The following ELFN2 variants were observed in gnomAD, a reference collection of about 807,000 sequenced individuals.
ELFN2 encodes the protein extracellular leucine rich repeat and fibronectin type III domain containing 2, also known as protein phosphatase 1 regulatory subunit 29.
ELFN2 carries 17 observed loss-of-function variants against 45.5 expected under a neutral mutation model. That is an observed-to-expected ratio of 0.37 (90% CI 0.26 to 0.56). The LOEUF (loss-of-function observed/expected upper bound fraction) is 0.56, where lower values mean the gene tolerates loss of function less well. Ranked by LOEUF, ELFN2 falls within the 20% of genes least tolerant of loss-of-function variation. The probability of loss-of-function intolerance (pLI) is 0.77; values close to 1 mark genes in which losing one functional copy is unlikely to be tolerated. For synonymous variants in ELFN2, 550 were observed against 551.5 expected (o/e 1.00, Z 0.04); for missense variants, 922 against 1,183.2 (o/e 0.78, Z 3.24).
At chr22:37,366,807 G>A (rs1931216581), downstream of ELFN2, among the ~76,000 whole-genome samples, 1 of 152,264 alleles carries the variant, frequency 6.6e-6, no homozygotes, top group Non-Finnish European at 1.5e-5. Flanking sequence ...GCTGGCTGTG[G>A]CCCCCTTGGG....
At chr22:37,380,173 C>G (rs372399438) in intron 2 of ELFN2, among the ~76,000 whole-genome samples, 1 of 152,180 alleles carries the variant, frequency 6.6e-6, no homozygotes, top group Non-Finnish European at 1.5e-5. Flanking sequence ...CACTGCACTG[C>G]GGCGTGTGGG....
downstream of ELFN2, among the ~76,000 whole-genome samples, chr22:37,366,788 G>C (rs374418068): frequency 6.6e-6 from 1 of 152,252 alleles, no homozygotes; most frequent in East Asian, 1.9e-4. Flanking sequence ...GAGCAAAGGA[G>C]GGACCCTGGC....
chr22:37,424,666 G>A (rs776572995), intron 1 of ELFN2, among the ~76,000 whole-genome samples: 2 of 142,770 alleles, frequency 1.4e-5, no homozygotes, highest in Non-Finnish European at 3.1e-5. Flanking sequence ...TCTCCCTGTA[G>A]CCACTGAGGG....
chr22:37,377,925 GT>G (rs1171001308), intron 2 of ELFN2, among the ~76,000 whole-genome samples: 1 of 152,214 alleles, frequency 6.6e-6, no homozygotes, highest in Non-Finnish European at 1.5e-5. Context: ...CTGAGCCTCA[GT>G]TTCCCCTCCC....
intron 2 of ELFN2, among the ~76,000 whole-genome samples, chr22:37,392,289 G>GT (rs1932103322): frequency 6.8e-6 from 1 of 146,970 alleles, no homozygotes; most frequent in Admixed American, 6.8e-5. Flanking sequence ...TTTTTGTTGT[G>GT]TTTTTTGTTT....
chr22:37,362,926 C>T (rs1418093841), intron 1 of ELFN2, among the ~76,000 whole-genome samples: 1 of 152,160 alleles, frequency 6.6e-6, no homozygotes. Flanking sequence ...CTACCGCCAT[C>T]GTCCCTGCCC....
At chr22:37,391,526 G>A (rs1932087328) in intron 2 of ELFN2, among the ~76,000 whole-genome samples, 2 of 152,146 alleles carry the variant, frequency 1.3e-5, no homozygotes, top group Non-Finnish European at 2.9e-5. Context: ...ATGCCTGCTT[G>A]AAGGATGAGG....
At chr22:37,377,592 T>C (rs1931616117) in intron 2 of ELFN2, among the ~76,000 whole-genome samples, 1 of 152,182 alleles carries the variant, frequency 6.6e-6, no homozygotes, top group Non-Finnish European at 1.5e-5. Flanking sequence ...CGGGGGTTAA[T>C]CCCACAAGAA....
At chr22:37,362,498 G>T (rs568547123) in intron 1 of ELFN2, among the ~76,000 whole-genome samples, 3 of 152,192 alleles carry the variant, frequency 2.0e-5, no homozygotes, top group African/African-American at 7.2e-5. Context: ...TGACAGGGCC[G>T]GCACAGGCCC....
chr22:37,425,892 C>CACACACACAT (rs1555925695), intron 1 of ELFN2, among the ~76,000 whole-genome samples: 33 of 151,796 alleles, frequency 2.2e-4, no homozygotes, highest in African/African-American at 8.0e-4. Context: ...CACACACACA[C>CACACACACAT]ACACACTCCC....
rs1931752559 is a variant in ELFN2 at position 37,381,199 on chromosome 22, T to C, written c.-462-5203A>G. ...TATATCAACCCCACACAGCTGGTGC[T>C]GTCAGCCTCATCTTACAGATGAGAA... On this transcript the variant is annotated intron_variant, in intron 2 of 2. Coordinates refer to ENST00000402918, the MANE Select transcript of ELFN2 (RefSeq NM_052906.5). 1.3e-5 allele frequency among the ~76,000 whole-genome samples: 2 copies of C among 152,190 alleles called. 1 individual carries two copies. The highest frequency in any genetic ancestry group is 2.9e-5 in the Non-Finnish European group (2 of 68,028).
chr22:37,365,436 C>G (rs1447101747), downstream of ELFN2, among the ~76,000 whole-genome samples: 1 of 152,166 alleles, frequency 6.6e-6, no homozygotes, highest in Admixed American at 6.5e-5. Flanking sequence ...GCTGAGGACA[C>G]CTAGCTTCCC....
At chr22:37,427,200 C>T (rs1325029650) in intron 1 of ELFN2, 98 bp downstream of exon 1, 1 of 152,214 alleles carries the variant, frequency 6.6e-6, no homozygotes, top group Non-Finnish European at 1.5e-5. Context: ...AAGCCCCACC[C>T]CCACTGACGG....
At position 37,372,944 on chromosome 22, in the gene ELFN2, G is replaced by C; in HGVS notation, c.*128C>G. The C allele has an allele frequency of 3.9e-6, 4 of 1,024,376 alleles. No homozygotes were observed. The highest frequency in any genetic ancestry group is 5.5e-6 in the Non-Finnish European group (4 of 722,610). The allele number at this position is 1,024,376 out of a possible 1,614,324, so 63.5% of individuals were successfully genotyped here. A position where few individuals can be genotyped will look rare whatever the true frequency, so the allele number is the denominator to read the frequency against. On this transcript the variant is annotated 3_prime_UTR_variant, in exon 3 of 3. Transcript: ENST00000402918. The surrounding 1 kb of genome is among the most constrained non-coding windows in gnomAD (Gnocchi z 4.4). ...GGTGTGTGTGTGCGTGCGTGCGTGC[G>C]GGTCTGCATGTGCGTCCTCTCCTGG...
At chr22:37,422,534 G>A (rs1932816638) in intron 1 of ELFN2, among the ~76,000 whole-genome samples, 2 of 151,306 alleles carry the variant, frequency 1.3e-5, no homozygotes, top group Admixed American at 1.3e-4. Flanking sequence ...GTGAAACCTC[G>A]TCTCTACTAA....
At chr22:37,409,519 G>A (rs1258728694) in intron 2 of ELFN2, among the ~76,000 whole-genome samples, 1 of 152,220 alleles carries the variant, frequency 6.6e-6, no homozygotes, top group Non-Finnish European at 1.5e-5. Context: ...ATGGGCTCCT[G>A]CCTAAAGTGC....
intron 1 of ELFN2, among the ~76,000 whole-genome samples, chr22:37,346,041 C>T (rs1316903791): frequency 6.6e-6 from 1 of 152,240 alleles, no homozygotes. Context: ...ACTAACCTCT[C>T]TGGGCCACAG....
intron 2 of ELFN2, among the ~76,000 whole-genome samples, chr22:37,394,634 G>A (rs1313890899): frequency 1.3e-5 from 2 of 152,212 alleles, no homozygotes; most frequent in Admixed American, 1.3e-4. Flanking sequence ...CGATCCCGCA[G>A]CTTAAAGGAA....
intron 2 of ELFN2, chr22:37,385,114 A>T (rs1021616400): frequency 6.6e-6 from 1 of 152,294 alleles, no homozygotes; most frequent in African/African-American, 2.4e-5. Context: ...GGGGAAATGG[A>T]GGCTCCAGTG....
Sources: gnomAD v4.1 joint callset for allele counts (sites outside exome capture counted in the v4.1 genomes callset) on GRCh38, gnomAD v4.1.1 for gene constraint, Gnocchi (gnomAD v3.1) non-coding constraint, MANE v1.5 for transcripts, NCBI Gene and HGNC (gene_info 2026-07-23, HGNC 2026-07-21) for gene names.